Variants in GRIK2 observed in about 807,000 individuals in gnomAD.
The protein encoded by GRIK2 is glutamate ionotropic receptor kainate type subunit 2.
GRIK2 carries 32 observed loss-of-function variants against 100.3 expected under a neutral mutation model. The ratio of observed to expected loss-of-function variants is 0.32; its 90% CI spans 0.24 to 0.43. GRIK2 has a LOEUF of 0.43. GRIK2 is among the 20% of genes least tolerant of loss of function. The pLI is 1.00. For synonymous variants in GRIK2, 417 were observed against 389.4 expected, an observed-to-expected ratio of 1.07 and a Z score of -0.83; for missense variants, 843 against 1,114.9, an observed-to-expected ratio of 0.76 and a Z score of 3.47.
chr6:101,796,462 C>T (rs1038220617), intron 7 of GRIK2, among the ~76,000 whole-genome samples: 1 of 152,086 alleles, frequency 6.6e-6, no homozygotes, highest in Non-Finnish European at 1.5e-5. Flanking sequence ...TTTATAGACA[C>T]ACAATTTTAC....
chr6:101,957,687 A>T (rs896221306), intron 14 of GRIK2, among the ~76,000 whole-genome samples: 1 of 152,028 alleles, frequency 6.6e-6, no homozygotes, highest in Non-Finnish European at 1.5e-5. Context: ...AATTTAATTC[A>T]TCTTGAGTTA....
intron 10 of GRIK2, among the ~76,000 whole-genome samples, chr6:101,838,643 T>G (rs2128432914): frequency 1.3e-5 from 2 of 148,882 alleles, no homozygotes; most frequent in African/African-American, 5.1e-5. Context: ...TTTTTCACTC[T>G]ATTAATACAA....
intron 11 of GRIK2, among the ~76,000 whole-genome samples, chr6:101,866,573 T>C (rs1374336253): frequency 3.3e-5 from 5 of 152,136 alleles, no homozygotes; most frequent in African/African-American, 4.8e-5. Flanking sequence ...CTAATTTACA[T>C]TTCTACCAAT....
chr6:101,793,532 T>A (rs9390783), intron 7 of GRIK2, among the ~76,000 whole-genome samples: 40,865 of 151,964 alleles, frequency 0.27, 7,383 homozygotes, highest in East Asian at 0.69. Context: ...GATTTTCTTG[T>A]ACCGCGAATG....
chr6:101,974,027 T>G (rs1290737041), intron 14 of GRIK2, among the ~76,000 whole-genome samples: 2 of 151,970 alleles, frequency 1.3e-5, no homozygotes, highest in Non-Finnish European at 2.9e-5. Flanking sequence ...AAATTGGCAA[T>G]CAACATATAC....
At chr6:101,975,072 A>G (rs1793283900) in intron 14 of GRIK2, among the ~76,000 whole-genome samples, 1 of 152,006 alleles carries the variant, frequency 6.6e-6, no homozygotes, top group Non-Finnish European at 1.5e-5. Flanking sequence ...GGAAGCACAA[A>G]AAAAGGAAGG....
intron 4 of GRIK2, among the ~76,000 whole-genome samples, chr6:101,664,186 C>T (rs1769841861): frequency 6.6e-6 from 1 of 152,174 alleles, no homozygotes; most frequent in African/African-American, 2.4e-5. Flanking sequence ...CTGACAAATA[C>T]AACTGCTTTT....
In GRIK2 at chr6:101,704,616, C is replaced by G. The variant is rs182413073; in HGVS notation, c.951+18263C>G. Among the ~76,000 whole-genome samples, 5 of 151,604 alleles carry G rather than the reference C, an allele frequency of 3.3e-5. No homozygotes were observed. In the Admixed American group the frequency reaches 3.3e-4, roughly 10 times the overall value. The stretch of plus-strand genomic sequence containing the variant: ...TTTAACAATTTAAATAGAATTGAAT[C>G]TCGCCATTATTTTGTGGGCTAGTCT... On this transcript the variant is annotated intron_variant, in intron 7 of 16. Coordinates refer to ENST00000369134, the MANE Select transcript of GRIK2 (RefSeq NM_021956.5).
intron 2 of GRIK2, among the ~76,000 whole-genome samples, chr6:101,458,029 T>G (rs1441617715): frequency 6.9e-6 from 1 of 143,998 alleles, no homozygotes; most frequent in East Asian, 1.9e-4. Flanking sequence ...TTTAAAGACT[T>G]GTTGAAAAAT....
At chr6:101,478,682 AT>A (rs541493553) in intron 2 of GRIK2, among the ~76,000 whole-genome samples, 20 of 146,256 alleles carry the variant, frequency 1.4e-4, no homozygotes, top group Middle Eastern at 3.5e-3. Context: ...CCTGGCTAAT[AT>A]TTTTTTTTTC....
At chr6:102,045,807 G>C (rs1364115841) in intron 15 of GRIK2, among the ~76,000 whole-genome samples, 1 of 151,932 alleles carries the variant, frequency 6.6e-6, no homozygotes, top group East Asian at 1.9e-4. Context: ...TTAAAATAAT[G>C]CTTTATTTAA....
chr6:101,478,672 C>T (rs1391832097), intron 2 of GRIK2, among the ~76,000 whole-genome samples: 2 of 151,354 alleles, frequency 1.3e-5, no homozygotes, highest in Non-Finnish European at 2.9e-5. Context: ...TGCCACCACA[C>T]CTGGCTAATA....
chr6:101,760,401 A>G (rs1190220905), intron 7 of GRIK2, among the ~76,000 whole-genome samples: 11 of 65,410 alleles, frequency 1.7e-4, no homozygotes, highest in Non-Finnish European at 2.3e-4. Flanking sequence ...ATATTTAATT[A>G]TATATTTATT....
At chr6:101,599,542 T>A (rs1779096263) in intron 2 of GRIK2, among the ~76,000 whole-genome samples, 1 of 151,774 alleles carries the variant, frequency 6.6e-6, no homozygotes, top group Non-Finnish European at 1.5e-5. Context: ...CAACAATGTA[T>A]ACACGTTCCC....
chr6:102,057,007 C>T (rs1241449160), intron 16 of GRIK2, among the ~76,000 whole-genome samples: 1 of 151,900 alleles, frequency 6.6e-6, no homozygotes, highest in Non-Finnish European at 1.5e-5. Flanking sequence ...TGTCTAAGTA[C>T]ACTTTTTATG....
chr6:101,657,262 C>A (rs1215937938), intron 4 of GRIK2, among the ~76,000 whole-genome samples: 1 of 152,124 alleles, frequency 6.6e-6, no homozygotes, highest in East Asian at 1.9e-4. Flanking sequence ...ATAGTGAGTT[C>A]TCACAAGATC....
chr6:101,583,839 G>A (rs1051020058), intron 2 of GRIK2, among the ~76,000 whole-genome samples: 2 of 151,982 alleles, frequency 1.3e-5, no homozygotes, highest in African/African-American at 4.8e-5. Context: ...CTGGAAAGAT[G>A]GGAATTTAAT....
chr6:101,670,856 C>T (rs939040068), intron 4 of GRIK2, among the ~76,000 whole-genome samples: 4 of 152,092 alleles, frequency 2.6e-5, no homozygotes, highest in African/African-American at 7.2e-5. Flanking sequence ...CAGAGTTTTA[C>T]ATGTTAAACC....
At chr6:101,680,414 C>T (rs936050171) in intron 5 of GRIK2, among the ~76,000 whole-genome samples, 1 of 152,048 alleles carries the variant, frequency 6.6e-6, no homozygotes, top group African/African-American at 2.4e-5. Context: ...TTCCAAACTC[C>T]ACATTAGAGA....
Sources: gnomAD v4.1 joint callset for allele counts (sites outside exome capture counted in the v4.1 genomes callset) on GRCh38, gnomAD v4.1.1 for gene constraint, MANE v1.5 for transcripts, NCBI Gene and HGNC (gene_info 2026-07-23, HGNC 2026-07-21) for gene names.